SNAP23: variants seen among roughly 807,000 people sequenced by gnomAD.
The protein encoded by SNAP23 is synaptosome associated protein 23, also known as synaptosomal-associated protein 23.
In SNAP23, 11 loss-of-function variants were observed where a neutral mutation model predicts 29.0. That is an observed-to-expected ratio of 0.38 (90% CI 0.24 to 0.63). The LOEUF is 0.63. SNAP23 is among the 20% of genes least tolerant of loss of function. The probability of loss-of-function intolerance (pLI) is 0.58; values close to 1 mark genes in which losing one functional copy is unlikely to be tolerated. For missense variants in SNAP23, 220 were observed against 253.9 expected (o/e 0.87, Z 0.91); for synonymous variants, 60 against 82.9 (o/e 0.72, Z 1.50).
chr15:42,499,758 A>G (rs1458611043), intron 1 of SNAP23, among the ~76,000 whole-genome samples: 2 of 152,226 alleles, frequency 1.3e-5, no homozygotes, highest in African/African-American at 4.8e-5. Flanking sequence ...TGAAGATTGA[A>G]CTAAAGCTTA....
chr15:42,516,537 G>A (rs1290039110), intron 5 of SNAP23, among the ~76,000 whole-genome samples: 1 of 151,942 alleles, frequency 6.6e-6, no homozygotes, highest in African/African-American at 2.4e-5. Flanking sequence ...CACTATGTTG[G>A]CCAGGATGGT....
chr15:42,491,962 G>A (rs184776214), upstream of SNAP23, among the ~76,000 whole-genome samples: 140 of 151,794 alleles, frequency 9.2e-4, no homozygotes, highest in Admixed American at 2.6e-3. Context: ...TCAGGCTGTA[G>A]TGCAGAACCG....
intron 4 of SNAP23, among the ~76,000 whole-genome samples, chr15:42,514,555 G>A (rs552516409): frequency 6.6e-6 from 1 of 152,224 alleles, no homozygotes; most frequent in Non-Finnish European, 1.5e-5. Flanking sequence ...GAGTAATCAG[G>A]TCTAGTTTTT....
At chr15:42,504,416 C>A (rs1220286644) in intron 1 of SNAP23, among the ~76,000 whole-genome samples, 1 of 152,062 alleles carries the variant, frequency 6.6e-6, no homozygotes, top group Non-Finnish European at 1.5e-5. Context: ...ATAGCCTATA[C>A]TTTATATCAT....
At chr15:42,505,979 C>T (rs181194397) in intron 1 of SNAP23, among the ~76,000 whole-genome samples, 1 of 149,070 alleles carries the variant, frequency 6.7e-6, no homozygotes, top group Non-Finnish European at 1.5e-5. Context: ...GAGTCTTGCT[C>T]TTGTCACTCA....
At chr15:42,500,999 T>A (rs2057265099) in intron 1 of SNAP23, among the ~76,000 whole-genome samples, 1 of 152,164 alleles carries the variant, frequency 6.6e-6, no homozygotes, top group African/African-American at 2.4e-5. Flanking sequence ...TAAATTTATT[T>A]TGACAGTGTT....
Position 42,531,848 on chromosome 15 carries a change from GC to G in SNAP23, c.*371del, listed in dbSNP as rs1343585304. Reference sequence around the variant, plus strand: ...GTGTTTTTTGTTGTTGTTTATTTTTGCTTTTGTGGTTGAGGGAAGGACAAGA... The same window carrying G: ...GTGTTTTTTGTTGTTGTTTATTTTTGTTTTGTGGTTGAGGGAAGGACAAGA... On this transcript the variant is annotated 3_prime_UTR_variant, in exon 8 of 8. Coordinates refer to ENST00000249647, the MANE Select transcript of SNAP23 (RefSeq NM_003825.4). The G allele has an allele frequency of 6.3e-6, 1 of 159,588 alleles. No homozygotes were observed. The highest frequency in any genetic ancestry group is 2.4e-5 in the African/African-American group (1 of 41,730). The allele number at this position is 159,588 out of a possible 1,614,324, so 9.9% of individuals were successfully genotyped here.
intron 7 of SNAP23, among the ~76,000 whole-genome samples, chr15:42,530,106 C>T (rs1007300287): frequency 2.0e-5 from 3 of 152,118 alleles, no homozygotes; most frequent in Non-Finnish European, 4.4e-5. Context: ...TTTTTTCTCT[C>T]CCAAATGAGT....
chr15:42,500,543 C>T (rs2141501949), intron 1 of SNAP23, among the ~76,000 whole-genome samples: 1 of 152,200 alleles, frequency 6.6e-6, no homozygotes, highest in East Asian at 1.9e-4. Context: ...CATGCGCCAC[C>T]ACGCCTGGCT....
intron 1 of SNAP23, among the ~76,000 whole-genome samples, chr15:42,498,010 A>G (rs895317141): frequency 1.3e-5 from 2 of 152,182 alleles, no homozygotes; most frequent in Non-Finnish European, 2.9e-5. Flanking sequence ...CGCTGATGCC[A>G]AGGGTGGGCT....
At chr15:42,507,282 G>C (rs1369659890) in intron 1 of SNAP23, among the ~76,000 whole-genome samples, 1 of 152,180 alleles carries the variant, frequency 6.6e-6, no homozygotes. Context: ...TAATGATGTA[G>C]ATAAATACTT....
Position 42,525,451 on chromosome 15 carries a change from CTTTTTT to C in SNAP23, c.267-2786_267-2781del, listed in dbSNP as rs1158969519. On this transcript the variant is annotated intron_variant, in intron 5 of 7. Coordinates refer to ENST00000249647, the MANE Select transcript of SNAP23 (RefSeq NM_003825.4). Reference sequence around the variant, plus strand: ...AGAACATCTTCAAAGATCCAGTCTTCTTTTTTTTTTTTTTTTTTTTTTTTTTTTTTG... The same window carrying C: ...AGAACATCTTCAAAGATCCAGTCTTCTTTTTTTTTTTTTTTTTTTTTTTTG... Among the ~76,000 whole-genome samples, 232 of 47,132 alleles carry C rather than the reference CTTTTTT, an allele frequency of 4.9e-3. 1 individual carries two copies. The highest frequency in any genetic ancestry group is 6.3e-3 in the Non-Finnish European group (176 of 27,774). The allele number at this position is 47,132 out of a possible 152,430, so 30.9% of individuals were successfully genotyped here.
chr15:42,531,296 T>C lies in SNAP23; in HGVS notation c.571-117T>C, dbSNP rs968706668. On this transcript the variant is annotated intron_variant, in intron 7 of 7. Transcript: ENST00000249647. ...TTCTTGCCCAACATGAGTTTTGTAA[T>C]GTAACTTCACGTGGTTTCTTGGATT... 24 of 585,764 alleles carry C rather than the reference T, an allele frequency of 4.1e-5. No homozygotes were observed. In the African/African-American group the frequency reaches 4.4e-4, roughly 11 times the overall value. The allele number at this position is 585,764 out of a possible 1,614,324, so 36.3% of individuals were successfully genotyped here. A position where few individuals can be genotyped will look rare whatever the true frequency, so the allele number is the denominator to read the frequency against.
At chr15:42,493,123 C>CT (rs2057188393), upstream of SNAP23, among the ~76,000 whole-genome samples, 1 of 152,128 alleles carries the variant, frequency 6.6e-6, no homozygotes, top group Non-Finnish European at 1.5e-5. Context: ...AGGCAGATCG[C>CT]TTGAGTCCAG....
Position 42,528,349 on chromosome 15 carries a change from G to A in SNAP23, c.354G>A (p.Gln118=), listed in dbSNP as rs755189050. 9.9e-6 allele frequency: 16 copies of A among 1,614,114 alleles called. No individual in the cohort carries two copies. The highest frequency in any genetic ancestry group is 1.4e-5 in the Non-Finnish European group (16 of 1,180,018). Residue 118 remains glutamine (Q), a synonymous_variant, in exon 6 of 8, where the codon CAG becomes CAA. Transcript: ENST00000249647. The part of the protein sequence containing the change: ...ENSPCNVVSK[Q]PGPVTNGQLQ... ...CACCTTGCAATGTAGTATCTAAACA[G>A]CCAGGCCCGGTGACAAATGGTCAGC...
At chr15:42,508,614 G>A (rs1336552530) in intron 1 of SNAP23, among the ~76,000 whole-genome samples, 2 of 152,176 alleles carry the variant, frequency 1.3e-5, no homozygotes, top group African/African-American at 2.4e-5. Flanking sequence ...ACCTCATTGC[G>A]ATGTCAGGGG....
intron 4 of SNAP23, among the ~76,000 whole-genome samples, chr15:42,513,958 T>C (rs112507614): frequency 0.048 from 7,214 of 151,712 alleles, 573 homozygotes; most frequent in African/African-American, 0.16. Context: ...AGATTACTGG[T>C]GCCCACCACC....
At chr15:42,499,521 T>C (rs1306396663) in intron 1 of SNAP23, among the ~76,000 whole-genome samples, 2 of 152,192 alleles carry the variant, frequency 1.3e-5, no homozygotes, top group African/African-American at 4.8e-5. Flanking sequence ...AGTACTGTTG[T>C]TATTTTACTT....
chr15:42,498,824 AAAG>A (rs1355841002), intron 1 of SNAP23, among the ~76,000 whole-genome samples: 1 of 152,186 alleles, frequency 6.6e-6, no homozygotes, highest in Non-Finnish European at 1.5e-5. Context: ...AGGTCATGTG[AAAG>A]TAATTTAAGT....
Sources: gnomAD v4.1 joint callset for allele counts (sites outside exome capture counted in the v4.1 genomes callset) on GRCh38, gnomAD v4.1.1 for gene constraint, MANE v1.5 for transcripts, NCBI Gene and HGNC (gene_info 2026-07-23, HGNC 2026-07-21) for gene names.